Variants in CAPN3 observed in about 807,000 individuals in gnomAD.
The protein encoded by CAPN3 is calpain-3.
CAPN3 carries 88 observed loss-of-function variants against 114.0 expected under a neutral mutation model. That is an observed-to-expected ratio of 0.77 (90% confidence interval 0.65 to 0.92). The LOEUF (loss-of-function observed/expected upper bound fraction) is 0.92, where lower values mean the gene tolerates loss of function less well. CAPN3 is among the 40% of genes least tolerant of loss of function. CAPN3 has a pLI of 0.00. For missense variants in CAPN3, 1,028 were observed against 1,069.0 expected (o/e 0.96, Z 0.53); for synonymous variants, 386 against 382.9 (o/e 1.01, Z -0.09).
chr15:42,360,993 A>G (rs1343632174), intron 1 of CAPN3, among the ~76,000 whole-genome samples: 1 of 152,204 alleles, frequency 6.6e-6, no homozygotes, highest in Non-Finnish European at 1.5e-5. Context: ...CTGTCTTGGA[A>G]CCTAGGGTCC....
At chr15:42,403,712 G>A (rs1333399214) in intron 13 of CAPN3, 29 bp from the exon 14 acceptor site, 1 of 1,610,622 alleles carries the variant, frequency 6.2e-7, no homozygotes, top group South Asian at 1.1e-5. Context: ...TGGTGACACT[G>A]AGACCCCACA....
At chr15:42,368,334 T>C (rs2052842319) in intron 1 of CAPN3, among the ~76,000 whole-genome samples, 1 of 152,218 alleles carries the variant, frequency 6.6e-6, no homozygotes, top group South Asian at 2.1e-4. Flanking sequence ...CTGTGCTTTT[T>C]ATTGGTGACC....
chr15:42,382,589 G>A (rs1030763254), intron 1 of CAPN3, among the ~76,000 whole-genome samples: 4 of 152,116 alleles, frequency 2.6e-5, no homozygotes, highest in Admixed American at 2.0e-4. Context: ...GACTGGTCTC[G>A]AACTCCTGGC....
Position 42,401,871 on chromosome 15 carries a change from G to A in CAPN3, c.1524+61G>A. 3 of 1,558,832 alleles carry A rather than the reference G, an allele frequency of 1.9e-6. No individual in the cohort carries two copies. The South Asian group carries it at 3.5e-5, about 18-fold the overall frequency. The stretch of plus-strand genomic sequence containing the variant: ...TACTTTCCCAGGGAGGACGCTTCCA[G>A]GGGCTTCTAGAGGGGCCCTCTGGCT... On this transcript the variant is annotated intron_variant, in intron 11 of 23. Transcript: ENST00000397163.
chr15:42,372,873 A>G (rs1338035085), intron 1 of CAPN3, among the ~76,000 whole-genome samples: 5 of 148,402 alleles, frequency 3.4e-5, no homozygotes, highest in Non-Finnish European at 7.4e-5. Flanking sequence ...ATTTTAAGCT[A>G]TTATTTACCC....
At chr15:42,370,614 G>A (rs1285670494) in intron 1 of CAPN3, among the ~76,000 whole-genome samples, 2 of 152,128 alleles carry the variant, frequency 1.3e-5, no homozygotes, top group Non-Finnish European at 1.5e-5. Flanking sequence ...GAAGAACTGG[G>A]GGCATTGTGC....
At chr15:42,368,469 A>G (rs1022442149) in intron 1 of CAPN3, among the ~76,000 whole-genome samples, 17 of 152,188 alleles carry the variant, frequency 1.1e-4, no homozygotes, top group African/African-American at 3.6e-4. Flanking sequence ...TGTGAGTTCA[A>G]TGTTATTGAA....
rs1321136751 is a variant in CAPN3, at chr15:42,405,940, C to A, written c.1797C>A (p.Thr599=). The change falls in exon 15 of 24, where the codon ACC becomes ACA. Residue 599 remains threonine, a synonymous_variant. Coordinates refer to ENST00000397163, the MANE Select transcript of CAPN3 (RefSeq NM_000070.3). ...TTCTTATGCAGAAAAAGAAAAAAAC[C>A]AAGGTAGGTGTGTGGGTAGAGAGCA... The part of the protein sequence containing the change: ...SVDRPVKKKK[T]KPIIFVSDRA... 1 of 1,612,028 alleles carries A rather than the reference C, an allele frequency of 6.2e-7. No homozygotes were observed. Among genetic ancestry groups the A allele is most frequent in the South Asian group, 1.1e-5 (1 of 91,062 alleles).
intron 8 of CAPN3, among the ~76,000 whole-genome samples, chr15:42,395,794 G>A (rs966699704): frequency 2.6e-5 from 4 of 152,174 alleles, no homozygotes; most frequent in African/African-American, 4.8e-5. Flanking sequence ...GAATCTCCAT[G>A]TCCCCTGCAG....
rs767281996 is a variant in CAPN3 at position 42,359,948 on chromosome 15, G to A, written c.143G>A (p.Ser48Asn). ...NPSGIYSAII[S>N]RNFPIIGVKE... ...AGTGGCATCTATTCAGCCATCATCA[G>A]CCGCAATTTTCCTATTATCGGAGTG... Residue 48 changes from serine (S) to asparagine (N), a missense_variant, in exon 1 of 24, where the codon AGC becomes AAC. Ser to Asn is a conservative substitution (Grantham distance 46). Transcript: ENST00000397163. 120 of 1,614,092 alleles carry A rather than the reference G, an allele frequency of 7.4e-5. No individual in the cohort carries two copies. The highest frequency in any genetic ancestry group is 9.9e-5 in the Non-Finnish European group (117 of 1,180,044).
At chr15:42,407,542 G>T (rs2054058970) in intron 15 of CAPN3, among the ~76,000 whole-genome samples, 1 of 152,162 alleles carries the variant, frequency 6.6e-6, no homozygotes, top group Non-Finnish European at 1.5e-5. Context: ...AGTTAGCCAG[G>T]ATGGTCTTGA....
At chr15:42,384,389 C>T (rs1375915680) in intron 1 of CAPN3, 94 bp from the exon 2 acceptor site, 14 of 920,798 alleles carry the variant, frequency 1.5e-5, no homozygotes, top group East Asian at 7.3e-5. Flanking sequence ...TGCAGCCTGG[C>T]GACAGAGTGA....
At chr15:42,407,274 A>G (rs993805667) in intron 15 of CAPN3, among the ~76,000 whole-genome samples, 4 of 152,198 alleles carry the variant, frequency 2.6e-5, no homozygotes, top group Non-Finnish European at 4.4e-5. Context: ...CAAGAGCCCT[A>G]TGAGGAGGGA....
At chr15:42,371,390 G>A (rs1325208875) in intron 1 of CAPN3, among the ~76,000 whole-genome samples, 1 of 152,136 alleles carries the variant, frequency 6.6e-6, no homozygotes, top group Non-Finnish European at 1.5e-5. Context: ...AATGAGAGGG[G>A]CTGGGACAGA....
intron 1 of CAPN3, among the ~76,000 whole-genome samples, chr15:42,368,913 ATGG>A (rs1236720983): frequency 6.6e-6 from 1 of 152,192 alleles, no homozygotes; most frequent in Non-Finnish European, 1.5e-5. Context: ...TTAGCCAGGT[ATGG>A]TGGTTTGTGC....
chr15:42,383,569 G>A (rs1253194868), intron 1 of CAPN3, among the ~76,000 whole-genome samples: 2 of 151,734 alleles, frequency 1.3e-5, no homozygotes, highest in African/African-American at 2.4e-5. Context: ...AGCCTGTGTC[G>A]CCCACTGCAC....
chr15:42,398,689 ATATATG>A (rs1273513412), intron 9 of CAPN3, among the ~76,000 whole-genome samples: 6 of 131,822 alleles, frequency 4.6e-5, no homozygotes, highest in African/African-American at 1.5e-4. Context: ...ACGTCTGTAT[ATATATG>A]TGTGTGTGTA....
In CAPN3 at chr15:42,360,122, G is replaced by C; in HGVS notation, c.309+8G>C. 6.2e-7 allele frequency: 1 copy of C among 1,614,124 alleles called. No homozygotes were observed. The highest frequency in any genetic ancestry group is 8.5e-7 in the Non-Finnish European group (1 of 1,180,020). Reference sequence around the variant, plus strand: ...GTCTGGAAGAGACCTCCGGTGAGTAGCTTCCTGCTTGCTGGCTGGGTTTTC... The same window carrying C: ...GTCTGGAAGAGACCTCCGGTGAGTACCTTCCTGCTTGCTGGCTGGGTTTTC... On this transcript the variant is annotated splice_region_variant and intron_variant, in intron 1 of 23. Transcript: ENST00000397163.
intron 1 of CAPN3, among the ~76,000 whole-genome samples, chr15:42,376,130 C>T (rs1216934628): frequency 6.6e-6 from 1 of 152,180 alleles, no homozygotes; most frequent in Non-Finnish European, 1.5e-5. Context: ...ATCAAGGATG[C>T]GGGCAATAAA....
Sources: allele counts gnomAD v4.1 joint callset (sites outside exome capture counted in the v4.1 genomes callset), GRCh38; gene constraint gnomAD v4.1.1; transcripts MANE v1.5; gene names NCBI Gene and HGNC (gene_info 2026-07-23, HGNC 2026-07-21).